Variants in ZBBX observed in about 807,000 individuals in gnomAD.
The protein encoded by ZBBX is zinc finger B-box domain containing.
ZBBX carries 101 observed loss-of-function variants against 108.5 expected under a neutral mutation model. The ratio of observed to expected loss-of-function variants is 0.93; its 90% CI spans 0.79 to 1.10. ZBBX has a LOEUF of 1.10. Among genes scored for constraint, ZBBX ranks in the 50% least tolerant of loss-of-function variants. The pLI is 0.00. For synonymous variants in ZBBX, 356 were observed against 323.4 expected (o/e 1.10, Z -1.08); for missense variants, 1,009 against 941.4 (o/e 1.07, Z -0.94).
the ZBBX span, among the ~76,000 whole-genome samples, chr3:167,182,103 C>A: frequency 6.6e-6 from 1 of 152,156 alleles, no homozygotes; most frequent in Non-Finnish European, 1.5e-5. Flanking sequence ...TTCCCCCCAA[C>A]TGGCAGCCTG....
At chr3:167,322,731 A>G (rs969607925) in intron 11 of ZBBX, among the ~76,000 whole-genome samples, 2 of 152,058 alleles carry the variant, frequency 1.3e-5, no homozygotes, top group Non-Finnish European at 2.9e-5. Flanking sequence ...CTGAAGCACT[A>G]CTAAATTAAA....
intron 16 of ZBBX, among the ~76,000 whole-genome samples, chr3:167,308,942 A>C (rs1019709240): frequency 7.9e-5 from 12 of 152,078 alleles, no homozygotes; most frequent in African/African-American, 2.9e-4. Flanking sequence ...TGTGTCCCTG[A>C]ACTTAAAAGT....
chr3:167,223,920 C>A, the ZBBX span, among the ~76,000 whole-genome samples: 1 of 151,892 alleles, frequency 6.6e-6, no homozygotes, highest in African/African-American at 2.4e-5. Context: ...TTCCTACTTT[C>A]TTTTTTAAAT....
At chr3:167,264,549 C>G (rs1313870865) in intron 20 of ZBBX, among the ~76,000 whole-genome samples, 1 of 152,244 alleles carries the variant, frequency 6.6e-6, no homozygotes, top group East Asian at 1.9e-4. Flanking sequence ...TGTTGTTTCT[C>G]TTTATGTCTT....
the ZBBX span, among the ~76,000 whole-genome samples, chr3:167,195,764 C>T: frequency 6.6e-6 from 1 of 152,188 alleles, no homozygotes; most frequent in Admixed American, 6.5e-5. Context: ...AAGAAAGCCC[C>T]AAGCCATCTC....
At chr3:167,245,776 C>T (rs948663166) in intron 20 of ZBBX, among the ~76,000 whole-genome samples, 1 of 152,124 alleles carries the variant, frequency 6.6e-6, no homozygotes, top group African/African-American at 2.4e-5. Context: ...GCCTCCACAG[C>T]CATGCTTCCC....
At chr3:167,290,081 T>G (rs887134269) in intron 18 of ZBBX, among the ~76,000 whole-genome samples, 1 of 152,112 alleles carries the variant, frequency 6.6e-6, no homozygotes, top group Non-Finnish European at 1.5e-5. Context: ...CACAGACTTA[T>G]AGATAAAACC....
intron 1 of ZBBX, chr3:167,401,535 A>G (rs1748424456): frequency 6.6e-6 from 1 of 152,202 alleles, no homozygotes; most frequent in African/African-American, 2.4e-5. Context: ...TATGCTAAAC[A>G]AGGGGTGAAT....
chr3:167,400,071 T>C (rs1748373768), intron 1 of ZBBX, among the ~76,000 whole-genome samples: 2 of 152,198 alleles, frequency 1.3e-5, no homozygotes, highest in Non-Finnish European at 2.9e-5. Flanking sequence ...TTCCGTAGTG[T>C]ATATGTACTA....
Position 167,317,103 on chromosome 3 carries a change from C to T in ZBBX, c.1096G>A (p.Glu366Lys), listed in dbSNP as rs1475708489. ...GCTGTGTGTTGTACTTTGGTCTCCT[C>T]ACCTAGGAAATAAGATTCACAAATA... ...QNENDEDSDG[E>K]ETKVQHTALL... is the part of the protein sequence containing the mutation. The change falls in exon 14 of 22, where the codon GAG becomes AAG. Residue 366 changes from glutamate (E) to lysine (K), a missense_variant and splice_region_variant. Physicochemically the swap from Glu to Lys is moderately conservative, Grantham distance 56. Transcript: ENST00000675490. The T allele has an allele frequency of 6.3e-7, 1 of 1,585,096 alleles. No homozygotes were observed. The highest frequency in any genetic ancestry group is 1.7e-5 in the Admixed American group (1 of 58,200).
upstream of ZBBX, among the ~76,000 whole-genome samples, chr3:167,383,973 T>C (rs953677080): frequency 6.6e-6 from 1 of 152,096 alleles, no homozygotes; most frequent in Admixed American, 6.5e-5. Context: ...ATAGTATATG[T>C]GGCAAAAAGA....
intron 6 of ZBBX, 75 bp downstream of exon 6, chr3:167,365,811 A>C: frequency 1.0e-6 from 1 of 1,003,200 alleles, no homozygotes; most frequent in East Asian, 2.5e-5. Context: ...CTGAGTATAG[A>C]AGAAAATGCA....
intron 12 of ZBBX, among the ~76,000 whole-genome samples, 198 bp downstream of exon 12, chr3:167,321,919 T>A (rs1384782124): frequency 1.3e-5 from 2 of 151,956 alleles, no homozygotes; most frequent in African/African-American, 4.8e-5. Flanking sequence ...AAACTGTAAA[T>A]TAATGATGCA....
intron 20 of ZBBX, among the ~76,000 whole-genome samples, chr3:167,278,051 C>A (rs201476890): frequency 8.9e-6 from 1 of 112,678 alleles, no homozygotes; most frequent in Admixed American, 9.6e-5. Flanking sequence ...TTGAAACCAA[C>A]GAGAACAAAG....
intron 20 of ZBBX, among the ~76,000 whole-genome samples, chr3:167,257,258 A>T (rs754320202): frequency 2.6e-5 from 4 of 152,070 alleles, no homozygotes; most frequent in Non-Finnish European, 5.9e-5. Context: ...TTGTATGTTG[A>T]TTTTGTATCC....
the ZBBX span, among the ~76,000 whole-genome samples, chr3:167,215,017 C>G: frequency 7.2e-6 from 1 of 139,224 alleles, no homozygotes; most frequent in Non-Finnish European, 1.6e-5. Flanking sequence ...CATTAAATGC[C>G]CACATCAAAA....
intron 1 of ZBBX, among the ~76,000 whole-genome samples, chr3:167,399,986 A>G (rs2419135): frequency 0.81 from 122,746 of 152,104 alleles, 50,084 homozygotes; most frequent in African/African-American, 0.93. Flanking sequence ...GCATTAATTC[A>G]TTTAGGATAA....
At chr3:167,250,153 C>T (rs1722320955) in intron 20 of ZBBX, among the ~76,000 whole-genome samples, 2 of 152,198 alleles carry the variant, frequency 1.3e-5, no homozygotes, top group South Asian at 2.1e-4. Flanking sequence ...CAAAAATGGG[C>T]CCTGGGACCA....
intron 9 of ZBBX, among the ~76,000 whole-genome samples, chr3:167,344,764 T>C (rs1741152108): frequency 6.6e-6 from 1 of 151,744 alleles, no homozygotes; most frequent in Non-Finnish European, 1.5e-5. Context: ...AGTTCCATAG[T>C]GGAATGTTTC....
Sources: gnomAD v4.1 joint callset for allele counts (sites outside exome capture counted in the v4.1 genomes callset) on GRCh38, gnomAD v4.1.1 for gene constraint, MANE v1.5 for transcripts, NCBI Gene and HGNC (gene_info 2026-07-23, HGNC 2026-07-21) for gene names.